ARHGAP26: variants seen among roughly 807,000 people sequenced by gnomAD.
ARHGAP26 encodes rho GTPase-activating protein 26.
ARHGAP26 carries 38 observed loss-of-function variants against 104.8 expected under a neutral mutation model. The observed-to-expected ratio is 0.36, with a 90% CI of 0.28 to 0.48. The LOEUF (loss-of-function observed/expected upper bound fraction) is 0.48, where lower values mean the gene tolerates loss of function less well. Among genes scored for constraint, ARHGAP26 ranks in the 20% least tolerant of loss-of-function variants. ARHGAP26 has a pLI of 0.99. For synonymous variants in ARHGAP26, 341 were observed against 340.0 expected, an observed-to-expected ratio of 1.00 and a Z score of -0.03; for missense variants, 704 against 947.9, an observed-to-expected ratio of 0.74 and a Z score of 3.38.
At chr5:143,206,130 C>T (rs971428867) in intron 20 of ARHGAP26, among the ~76,000 whole-genome samples, 5 of 152,164 alleles carry the variant, frequency 3.3e-5, no homozygotes, top group African/African-American at 1.2e-4. Context: ...TTGTGTGTGC[C>T]TGCTAAATTG....
intron 11 of ARHGAP26, among the ~76,000 whole-genome samples, chr5:143,005,333 A>G (rs1428985518): frequency 6.6e-6 from 1 of 152,212 alleles, no homozygotes; most frequent in Non-Finnish European, 1.5e-5. Flanking sequence ...AGCTTCAGGT[A>G]TGCATCCTGT....
At chr5:143,009,078 C>T (rs6864372) in intron 11 of ARHGAP26, among the ~76,000 whole-genome samples, 8 of 152,020 alleles carry the variant, frequency 5.3e-5, no homozygotes, top group East Asian at 3.9e-4. Flanking sequence ...ACTCTCCCCC[C>T]CTGGTGTTTA....
At chr5:142,797,811 T>TG (rs1441696453) in intron 1 of ARHGAP26, among the ~76,000 whole-genome samples, 1 of 152,176 alleles carries the variant, frequency 6.6e-6, no homozygotes, top group Non-Finnish European at 1.5e-5. Context: ...GCCACTCTGT[T>TG]GGGGGAGTGC....
At chr5:142,836,584 C>T (rs558686521) in intron 1 of ARHGAP26, among the ~76,000 whole-genome samples, 3 of 152,254 alleles carry the variant, frequency 2.0e-5, no homozygotes, top group African/African-American at 4.8e-5. Flanking sequence ...TGAGACATCT[C>T]GAGGCCTGTG....
intron 1 of ARHGAP26, among the ~76,000 whole-genome samples, chr5:142,785,614 A>G (rs555994230): frequency 1.3e-5 from 2 of 152,104 alleles, no homozygotes; most frequent in Admixed American, 1.3e-4. Context: ...AAAAATTGCC[A>G]GTACTATCCT....
chr5:142,809,413 C>G (rs1253573956), intron 1 of ARHGAP26, among the ~76,000 whole-genome samples: 1 of 152,156 alleles, frequency 6.6e-6, no homozygotes, highest in Non-Finnish European at 1.5e-5. Flanking sequence ...ATTCTGCATT[C>G]CCAGCAGCAC....
intron 1 of ARHGAP26, among the ~76,000 whole-genome samples, chr5:142,855,184 A>G (rs1016983746): frequency 3.3e-5 from 5 of 152,324 alleles, no homozygotes; most frequent in Admixed American, 2.6e-4. Flanking sequence ...TGGTGGAGAA[A>G]GACTGGCAAA....
intron 20 of ARHGAP26, among the ~76,000 whole-genome samples, chr5:143,153,684 A>G (rs1450085563): frequency 6.6e-6 from 1 of 152,220 alleles, no homozygotes; most frequent in East Asian, 1.9e-4. Context: ...ATGGAACCCA[A>G]CCTTGGAGTT....
At chr5:142,833,546 T>C (rs1386447151) in intron 1 of ARHGAP26, among the ~76,000 whole-genome samples, 1 of 152,208 alleles carries the variant, frequency 6.6e-6, no homozygotes, top group African/African-American at 2.4e-5. Flanking sequence ...TTGTATGTAC[T>C]TTTTTCCCCC....
At chr5:142,791,045 A>G (rs980168030) in intron 1 of ARHGAP26, among the ~76,000 whole-genome samples, 3 of 151,368 alleles carry the variant, frequency 2.0e-5, no homozygotes, top group Non-Finnish European at 4.4e-5. Flanking sequence ...AGCATCAAGC[A>G]TCTCTTGGTT....
chr5:142,832,731 T>G (rs1292561366), intron 1 of ARHGAP26, among the ~76,000 whole-genome samples: 2 of 152,182 alleles, frequency 1.3e-5, no homozygotes, highest in African/African-American at 4.8e-5. Flanking sequence ...GCATTGAGTT[T>G]ACAAAGATCA....
chr5:143,221,916 G>A (rs1465753842), intron 22 of ARHGAP26, among the ~76,000 whole-genome samples: 2 of 126,298 alleles, frequency 1.6e-5, no homozygotes, highest in African/African-American at 3.2e-5. Flanking sequence ...GTGGGTGGGT[G>A]GATGGATGGA....
At position 142,873,387 on chromosome 5, in the gene ARHGAP26, T is replaced by C. The variant is rs769014324; in HGVS notation, c.155-13T>C. On this transcript the variant is annotated splice_polypyrimidine_tract_variant and intron_variant, in intron 1 of 22. Transcript: ENST00000645722. The stretch of plus-strand genomic sequence containing the variant: ...TTAGTAATTCCTGATTTTTCCTGTC[T>C]TTTTCTTGCTAGATTTGTCTTCAGC... 6.3e-7 allele frequency: 1 copy of C among 1,590,026 alleles called. No homozygotes were observed. Among genetic ancestry groups the C allele is most frequent in the Non-Finnish European group, 8.5e-7 (1 of 1,171,740 alleles).
Position 142,879,411 on chromosome 5 carries a change from A to G in ARHGAP26, c.350A>G (p.Glu117Gly). The change falls in exon 4 of 23, where the codon GAG (glutamate) becomes GGG (glycine). Residue 117 changes from glutamate (E) to glycine (G), a missense_variant. Glu to Gly is a moderately conservative substitution (Grantham distance 98). Transcript: ENST00000645722. ...AGCGAGGTGCTCATCACTCCCTTGG[A>G]GAAGTTTCGAAAGGAACAGATCGGG... ...NASEVLITPL[E>G]KFRKEQIGAA... 2 of 1,614,014 alleles carry G rather than the reference A, an allele frequency of 1.2e-6. No homozygotes were observed. The highest frequency in any genetic ancestry group is 8.5e-7 in the Non-Finnish European group (1 of 1,179,964).
intron 11 of ARHGAP26, among the ~76,000 whole-genome samples, chr5:142,993,668 T>A (rs1340132602): frequency 6.6e-6 from 1 of 152,102 alleles, no homozygotes; most frequent in Non-Finnish European, 1.5e-5. Flanking sequence ...AGACAGGGCC[T>A]CGCTCTGTCA....
At position 142,949,208 on chromosome 5, in the gene ARHGAP26, AGAGAGAGAGAGAGGAGAGAGAGAGG is replaced by A. The variant is rs1767826242; in HGVS notation, c.1107+17084_1107+17108del. On this transcript the variant is annotated intron_variant, in intron 11 of 22. Coordinates refer to ENST00000645722, the MANE Select transcript of ARHGAP26 (RefSeq NM_001135608.3). ...GAGAGAGAGAGAGAGAGAGAGAGAG[AGAGAGAGAGAGAGGAGAGAGAGAGG>A]AGAGAGAGAGAGAGAGAGAGAGAGT... Among the ~76,000 whole-genome samples the A allele has an allele frequency of 3.2e-5, 2 of 62,208 alleles. 1 individual carries two copies. The highest frequency in any genetic ancestry group is 2.4e-4 in the African/African-American group (2 of 8,378). The allele number at this position is 62,208 out of a possible 152,430, so 40.8% of individuals were successfully genotyped here.
chr5:142,984,343 G>T (rs1408935242), intron 11 of ARHGAP26, among the ~76,000 whole-genome samples: 1 of 152,190 alleles, frequency 6.6e-6, no homozygotes, highest in Admixed American at 6.5e-5. Flanking sequence ...GATTAAGGAA[G>T]AAAAGGAAAC....
Position 143,026,302 on chromosome 5 carries a change from A to T in ARHGAP26, c.1145-10894A>T, listed in dbSNP as rs572958948. Among the ~76,000 whole-genome samples the T allele has an allele frequency of 2.0e-5, 3 of 152,372 alleles. No individual in the cohort carries two copies. In the East Asian group the frequency reaches 5.8e-4, roughly 29 times the overall value. ...TGCTCTCATGGAGCATATACAATGA[A>T]AAGAAATTGACAACAAAGAGTAAGC... On this transcript the variant is annotated intron_variant, in intron 12 of 22. Transcript: ENST00000645722.
At chr5:143,062,649 T>C (rs1172037836) in intron 17 of ARHGAP26, among the ~76,000 whole-genome samples, 1 of 151,724 alleles carries the variant, frequency 6.6e-6, no homozygotes, top group East Asian at 1.9e-4. Flanking sequence ...CATATACAAA[T>C]GCTTGTGGTT....
Sources: gnomAD v4.1 joint callset for allele counts (sites outside exome capture counted in the v4.1 genomes callset) on GRCh38, gnomAD v4.1.1 for gene constraint, MANE v1.5 for transcripts, NCBI Gene and HGNC (gene_info 2026-07-23, HGNC 2026-07-21) for gene names.